The following LARP6 variants were observed in gnomAD, a reference collection of about 807,000 sequenced individuals.
The protein encoded by LARP6 is La ribonucleoprotein 6, translational regulator.
A neutral mutation model predicts 32.8 loss-of-function variants in LARP6; 18 were observed. That is an observed-to-expected ratio of 0.55 (90% CI 0.38 to 0.81). LARP6 has a LOEUF of 0.81. LARP6 is among the 40% of genes least tolerant of loss of function. The probability of loss-of-function intolerance (pLI) is 0.00; values close to 1 mark genes in which losing one functional copy is unlikely to be tolerated. For synonymous variants in LARP6, 289 were observed against 267.2 expected (o/e 1.08, Z -0.80); for missense variants, 598 against 663.1 (o/e 0.90, Z 1.08).
At chr15:70,841,187 A>G (rs1452683508) in intron 1 of LARP6, among the ~76,000 whole-genome samples, 2 of 152,192 alleles carry the variant, frequency 1.3e-5, no homozygotes, top group Non-Finnish European at 2.9e-5. Flanking sequence ...TGCTGGGATT[A>G]CAGGCGTGAG....
chr15:70,854,045 G>A lies in LARP6; in HGVS notation c.44C>T (p.Ala15Val). Residue 15 changes from alanine to valine, a missense_variant, in exon 1 of 3, where the codon GCG becomes GTG. Ala to Val is a moderately conservative substitution (Grantham distance 64, BLOSUM62 0). Transcript: ENST00000299213. ...GGEARPGPKT[A>V]VQIRVAIQEA... The stretch of plus-strand genomic sequence containing the variant: ...CTGGATGGCGACGCGGATCTGCACC[G>A]CCGTCTTGGGCCCGGGCCGAGCCTC... 1.4e-6 allele frequency: 2 copies of A among 1,428,174 alleles called. No homozygotes were observed. The allele number at this position is 1,428,174 out of a possible 1,614,324, so 88.5% of individuals were successfully genotyped here. A position where few individuals can be genotyped will look rare whatever the true frequency, so the allele number is the denominator to read the frequency against.
intron 1 of LARP6, among the ~76,000 whole-genome samples, chr15:70,846,325 C>T (rs2032344057): frequency 6.6e-6 from 1 of 152,084 alleles, no homozygotes; most frequent in Non-Finnish European, 1.5e-5. Flanking sequence ...TCTTCGGCTC[C>T]CAACCAGGCA....
At chr15:70,843,292 T>C (rs982217268) in intron 1 of LARP6, among the ~76,000 whole-genome samples, 6 of 152,176 alleles carry the variant, frequency 3.9e-5, no homozygotes, top group Admixed American at 3.9e-4. Flanking sequence ...TGGATACTTA[T>C]TAATAGCTCA....
chr15:70,832,224 C>T lies in LARP6; in HGVS notation c.1304G>A (p.Arg435Lys). The change falls in exon 3 of 3, where the codon AGG (arginine) becomes AAG (lysine). Residue 435 changes from arginine to lysine, a missense_variant. Coordinates refer to ENST00000299213, the MANE Select transcript of LARP6 (RefSeq NM_018357.4). Reference sequence around the variant, plus strand: ...GGTCCCCATCTCGGCTTGGCGACGCCTCCGGACCCAGGGGCTGCCAGAGGG... The same window carrying T: ...GGTCCCCATCTCGGCTTGGCGACGCTTCCGGACCCAGGGGCTGCCAGAGGG... ...VTPSGSPWVR[R>K]RRQAEMGTQE... is the part of the protein sequence containing the mutation. 1 of 1,614,124 alleles carries T rather than the reference C, an allele frequency of 6.2e-7. No homozygotes were observed. The highest frequency in any genetic ancestry group is 8.5e-7 in the Non-Finnish European group (1 of 1,180,012).
In LARP6 at chr15:70,832,756, A is replaced by C; in HGVS notation, c.772T>G (p.Cys258Gly). The change falls in exon 3 of 3, where the codon TGC becomes GGC. Residue 258 changes from cysteine to glycine, a missense_variant. By Grantham distance (159) the Cys-to-Gly change is radical. Around this residue, in one of 3 missense-constraint regions of LARP6, gnomAD observed 368 missense variants for 397.9 expected, o/e 0.92. Coordinates refer to ENST00000299213, the MANE Select transcript of LARP6 (RefSeq NM_018357.4). The stretch of plus-strand genomic sequence containing the variant: ...ACCTCCTCGAACTCCACGATGGCGC[A>C]CTCCTGGGTCCCCACTTGGCTGTAG... ...SRYSQVGTQE[C>G]AIVEFEEVEA... The C allele has an allele frequency of 6.3e-7, 1 of 1,596,060 alleles. No individual in the cohort carries two copies. Among genetic ancestry groups the C allele is most frequent in the Non-Finnish European group, 8.5e-7 (1 of 1,173,476 alleles).
chr15:70,853,901 C>T lies in LARP6; in HGVS notation c.188G>A (p.Ser63Asn). ...GWGSASEEEP[S>N]RGHSGTTASG... ...CCGCCGCGCCTACCTGTGCCCGCGGCTCGGCTCCTCCTCGCTCGCGCTGCC... is the reference window on the plus strand; with the variant it reads ...CCGCCGCGCCTACCTGTGCCCGCGGTTCGGCTCCTCCTCGCTCGCGCTGCC... Residue 63 changes from serine to asparagine, a missense_variant, in exon 1 of 3, where the codon AGC (serine) becomes AAC (asparagine). This residue lies in a region of LARP6 where 161 missense variants were observed against 148.6 expected (regional missense o/e 1.08). Coordinates refer to ENST00000299213, the MANE Select transcript of LARP6 (RefSeq NM_018357.4). 2 of 1,339,732 alleles carry T rather than the reference C, an allele frequency of 1.5e-6. No individual in the cohort carries two copies. The highest frequency in any genetic ancestry group is 9.6e-7 in the Non-Finnish European group (1 of 1,041,460). The allele number at this position is 1,339,732 out of a possible 1,614,324, so 83.0% of individuals were successfully genotyped here.
At chr15:70,851,488 G>A in intron 1 of LARP6, 1 of 1,384,306 alleles carries the variant, frequency 7.2e-7, no homozygotes, top group East Asian at 2.6e-5. Context: ...ATATAAGCTA[G>A]GTATTAGGCT....
chr15:70,846,079 C>A (rs1026487920), intron 1 of LARP6, among the ~76,000 whole-genome samples: 4 of 152,240 alleles, frequency 2.6e-5, no homozygotes, highest in East Asian at 3.9e-4. Flanking sequence ...ATATTTGTAG[C>A]CCTTTTTACT....
rs752044115 is a variant in LARP6 at position 70,832,556 on chromosome 15, G to A, written c.972C>T (p.Val324=). 62 of 1,564,710 alleles carry A rather than the reference G, an allele frequency of 4.0e-5. No homozygotes were observed. In the South Asian group the frequency reaches 5.2e-4, roughly 13 times the overall value. The change falls in exon 3 of 3, where the codon GTC becomes GTT. Residue 324 remains valine (V), a synonymous_variant. Coordinates refer to ENST00000299213, the MANE Select transcript of LARP6 (RefSeq NM_018357.4). Reference sequence around the variant, plus strand: ...CATCACCCATGTACTGAAGCTCCTCGACTCTCTTGTTCAGGGACTTGTTCA... The same window carrying A: ...CATCACCCATGTACTGAAGCTCCTCAACTCTCTTGTTCAGGGACTTGTTCA... The part of the protein sequence containing the change: ...IHLNKSLNKR[V]EELQYMGDES...
At chr15:70,843,626 C>G (rs1007121096) in intron 1 of LARP6, among the ~76,000 whole-genome samples, 2 of 148,762 alleles carry the variant, frequency 1.3e-5, no homozygotes, top group Non-Finnish European at 3.0e-5. Context: ...CTTCTATTAG[C>G]CTTTTATTTA....
Position 70,832,015 on chromosome 15 carries a change from G to T in LARP6, c.*37C>A. 7.3e-7 allele frequency: 1 copy of T among 1,369,546 alleles called. No homozygotes were observed. The highest frequency in any genetic ancestry group is 9.8e-7 in the Non-Finnish European group (1 of 1,023,222). The allele number at this position is 1,369,546 out of a possible 1,614,324, so 84.8% of individuals were successfully genotyped here. On this transcript the variant is annotated 3_prime_UTR_variant, in exon 3 of 3. Transcript: ENST00000299213. The stretch of plus-strand genomic sequence containing the variant: ...TTGTCAGAACCTTGAAAACGAAGGT[G>T]GTTTTCAGTGGAGCTTGTATTAAAA...
intron 1 of LARP6, among the ~76,000 whole-genome samples, chr15:70,843,056 C>T (rs1010303752): frequency 4.6e-5 from 7 of 152,096 alleles, no homozygotes; most frequent in African/African-American, 1.4e-4. Flanking sequence ...CAACTTATTG[C>T]CGATTACAAC....
chr15:70,832,593 G>A lies in LARP6; in HGVS notation c.935C>T (p.Ala312Val), dbSNP rs770915412. 1.6e-5 allele frequency: 26 copies of A among 1,596,834 alleles called. No homozygotes were observed. Among genetic ancestry groups the A allele is most frequent in the Middle Eastern group, 1.7e-4 (1 of 5,950 alleles). The change falls in exon 3 of 3, where the codon GCG becomes GTG. Residue 312 changes from alanine to valine, a missense_variant. Ala to Val is a moderately conservative substitution (Grantham distance 64). Transcript: ENST00000299213. ...KDKNHDEEPT[A>V]SIHLNKSLNK... The stretch of plus-strand genomic sequence containing the variant: ...CAGGGACTTGTTCAGGTGGATGCTC[G>A]CAGTGGGCTCCTCGTCATGATTTTT...
intron 1 of LARP6, among the ~76,000 whole-genome samples, chr15:70,840,464 C>A (rs1259045605): frequency 1.3e-5 from 2 of 152,118 alleles, no homozygotes; most frequent in Non-Finnish European, 2.9e-5. Flanking sequence ...CGCTTGAACC[C>A]GGCGGGCGGA....
At chr15:70,851,991 A>T in intron 1 of LARP6, 1 of 459,218 alleles carries the variant, frequency 2.2e-6, no homozygotes. Flanking sequence ...AACTGTTGAC[A>T]GCGTGAACTG....
intron 1 of LARP6, chr15:70,852,086 C>G (rs2032478521): frequency 2.8e-6 from 1 of 352,222 alleles, no homozygotes; most frequent in Non-Finnish European, 5.6e-6. Flanking sequence ...CTCCTGTAGG[C>G]TCCAGGAGCT....
At chr15:70,852,600 G>C (rs957019634) in intron 1 of LARP6, among the ~76,000 whole-genome samples, 1 of 152,158 alleles carries the variant, frequency 6.6e-6, no homozygotes, top group Non-Finnish European at 1.5e-5. Context: ...TCTCGAGACT[G>C]TGAGCTGTCA....
chr15:70,847,324 G>A lies in LARP6; in HGVS notation c.200+6565C>T, dbSNP rs185251662. Reference sequence around the variant, plus strand: ...CCTGTGAGAAATGGGTAGAAATAAAGGGGTACATTTTAAAACAGGTAATTG... The same window carrying A: ...CCTGTGAGAAATGGGTAGAAATAAAAGGGTACATTTTAAAACAGGTAATTG... On this transcript the variant is annotated intron_variant, in intron 1 of 2. Transcript: ENST00000299213. Among the ~76,000 whole-genome samples the A allele has an allele frequency of 1.1e-3, 164 of 152,136 alleles. 1 individual carries two copies. Among genetic ancestry groups the A allele is most frequent in the Non-Finnish European group, 1.2e-3 (81 of 68,002 alleles).
At chr15:70,836,207 G>T in intron 2 of LARP6, 88 bp downstream of exon 2, 1 of 1,095,368 alleles carries the variant, frequency 9.1e-7, no homozygotes, top group South Asian at 1.3e-5. Flanking sequence ...TCGTCATCAG[G>T]TTTCAAGGGA....
Sources: allele counts gnomAD v4.1 joint callset (sites outside exome capture counted in the v4.1 genomes callset), GRCh38; gene constraint gnomAD v4.1.1; regional missense constraint gnomAD v4.1.1; transcripts MANE v1.5; gene names NCBI Gene and HGNC (gene_info 2026-07-23, HGNC 2026-07-21).